Variants in CORIN observed in about 807,000 individuals in gnomAD.
CORIN encodes the protein atrial natriuretic peptide-converting enzyme.
In CORIN, 117 loss-of-function variants were observed where a neutral mutation model predicts 125.3. That is an observed-to-expected ratio of 0.93 (90% CI 0.80 to 1.09). The LOEUF (loss-of-function observed/expected upper bound fraction) is 1.09, where lower values mean the gene tolerates loss of function less well. Ranked by LOEUF, CORIN falls within the 50% of genes least tolerant of loss-of-function variation. CORIN has a pLI of 0.00. For missense variants in CORIN, 1,253 were observed against 1,306.7 expected (o/e 0.96, Z 0.63); for synonymous variants, 450 against 466.4 (o/e 0.96, Z 0.45).
intron 5 of CORIN, among the ~76,000 whole-genome samples, chr4:47,698,343 C>CA (rs1462113003): frequency 2.6e-5 from 4 of 151,702 alleles, no homozygotes; most frequent in Non-Finnish European, 5.9e-5. Context: ...ATTTGAGCAA[C>CA]AACTTGAAAG....
chr4:47,717,908 A>T (rs549446121), intron 5 of CORIN, among the ~76,000 whole-genome samples: 1 of 152,300 alleles, frequency 6.6e-6, no homozygotes, highest in East Asian at 1.9e-4. Context: ...TACAAGATGA[A>T]CAAAGACACA....
chr4:47,761,118 C>T (rs1047140856), intron 4 of CORIN, among the ~76,000 whole-genome samples: 1 of 152,214 alleles, frequency 6.6e-6, no homozygotes. Context: ...GCCTTCTAAT[C>T]ATTTGTGTGT....
At chr4:47,803,661 G>C (rs1731641520) in intron 2 of CORIN, among the ~76,000 whole-genome samples, 1 of 152,184 alleles carries the variant, frequency 6.6e-6, no homozygotes, top group Non-Finnish European at 1.5e-5. Flanking sequence ...ACATGCAGAA[G>C]AATAAAACTA....
intron 5 of CORIN, among the ~76,000 whole-genome samples, chr4:47,705,208 T>C (rs1476076592): frequency 2.6e-5 from 4 of 152,232 alleles, no homozygotes; most frequent in Non-Finnish European, 5.9e-5. Flanking sequence ...GTTGCAATTA[T>C]TTTCTCCCAG....
chr4:47,754,172 A>C (rs1729033146), intron 4 of CORIN, among the ~76,000 whole-genome samples: 1 of 152,242 alleles, frequency 6.6e-6, no homozygotes, highest in African/African-American at 2.4e-5. Flanking sequence ...AGTAATTGGA[A>C]TTATATGACA....
At chr4:47,686,742 A>T (rs902943583) in intron 6 of CORIN, among the ~76,000 whole-genome samples, 3 of 152,210 alleles carry the variant, frequency 2.0e-5, no homozygotes, top group African/African-American at 7.2e-5. Flanking sequence ...CTTGACGATC[A>T]GTGCAAAGTA....
At chr4:47,653,525 C>G in intron 13 of CORIN, 28 bp downstream of exon 13, 3 of 1,551,812 alleles carry the variant, frequency 1.9e-6, no homozygotes, top group Non-Finnish European at 2.7e-6. Context: ...ACTGTACATT[C>G]AAGAAAAGTA....
chr4:47,771,072 C>T (rs1189402436), intron 3 of CORIN, among the ~76,000 whole-genome samples: 1 of 152,026 alleles, frequency 6.6e-6, no homozygotes, highest in Non-Finnish European at 1.5e-5. Context: ...AAAATAAAAA[C>T]AGATCCAAGT....
chr4:47,647,603 C>T (rs1365714573), intron 13 of CORIN, among the ~76,000 whole-genome samples: 1 of 152,146 alleles, frequency 6.6e-6, no homozygotes, highest in Non-Finnish European at 1.5e-5. Flanking sequence ...CTTAAAATAA[C>T]ACTATAATGT....
intron 1 of CORIN, among the ~76,000 whole-genome samples, chr4:47,807,501 G>A (rs528363393): frequency 1.3e-5 from 2 of 152,268 alleles, no homozygotes; most frequent in South Asian, 2.1e-4. Flanking sequence ...TAAACCAAAT[G>A]TGAATGAATC....
chr4:47,802,617 TCTAAG>T (rs1731594056), intron 2 of CORIN, among the ~76,000 whole-genome samples: 2 of 152,126 alleles, frequency 1.3e-5, no homozygotes, highest in African/African-American at 4.8e-5. Flanking sequence ...CAGCTAAAGT[TCTAAG>T]GTTTTTTACT....
At chr4:47,622,730 GGAATTCTGCCAGCA>G (rs1722372348) in intron 19 of CORIN, among the ~76,000 whole-genome samples, 1 of 152,190 alleles carries the variant, frequency 6.6e-6, no homozygotes, top group Admixed American at 6.5e-5. Context: ...CCAGCAAGAA[GGAATTCTGCCAGCA>G]GATTGAACTG....
At chr4:47,653,141 G>C (rs1180229477) in intron 13 of CORIN, among the ~76,000 whole-genome samples, 1 of 152,140 alleles carries the variant, frequency 6.6e-6, no homozygotes, top group Non-Finnish European at 1.5e-5. Context: ...TCAGTACATT[G>C]TTATAATTGA....
intron 6 of CORIN, among the ~76,000 whole-genome samples, chr4:47,688,943 C>T (rs1725646546): frequency 6.6e-6 from 1 of 152,200 alleles, no homozygotes. Flanking sequence ...TAGATACAGT[C>T]ATTTTTGATG....
intron 10 of CORIN, among the ~76,000 whole-genome samples, chr4:47,669,588 T>G (rs1470804870): frequency 6.7e-6 from 1 of 149,212 alleles, no homozygotes; most frequent in Non-Finnish European, 1.5e-5. Context: ...TTTTTTTTTG[T>G]GACAGAGTCT....
At chr4:47,758,557 C>G (rs1447113786) in intron 4 of CORIN, among the ~76,000 whole-genome samples, 2 of 152,174 alleles carry the variant, frequency 1.3e-5, no homozygotes, top group Non-Finnish European at 2.9e-5. Context: ...AGGCATCACA[C>G]TACCTAACTT....
rs150074510 is a variant in CORIN at position 47,733,416 on chromosome 4, A to G, written c.799+10986T>C. ...CAATTCAATAGGAGAAATTCGGACTATGTGTTTTACCAGGATCCTGAAACT... is the reference window on the plus strand; with the variant it reads ...CAATTCAATAGGAGAAATTCGGACTGTGTGTTTTACCAGGATCCTGAAACT... On this transcript the variant is annotated intron_variant, in intron 5 of 21. Coordinates refer to ENST00000273857, the MANE Select transcript of CORIN (RefSeq NM_006587.4). Among the ~76,000 whole-genome samples, 58 of 152,346 alleles carry G rather than the reference A, an allele frequency of 3.8e-4. 1 individual carries two copies. In the East Asian group the frequency reaches 9.8e-3, roughly 26 times the overall value.
intron 19 of CORIN, among the ~76,000 whole-genome samples, chr4:47,612,212 A>G (rs918800566): frequency 1.3e-5 from 2 of 152,144 alleles, no homozygotes; most frequent in African/African-American, 4.8e-5. Flanking sequence ...AGAGACTTCA[A>G]AGTAAATATA....
At chr4:47,658,557 C>T (rs1013884009) in intron 12 of CORIN, among the ~76,000 whole-genome samples, 9 of 152,380 alleles carry the variant, frequency 5.9e-5, no homozygotes, top group African/African-American at 2.2e-4. Context: ...GACAGATGTT[C>T]TCTGAGCCAT....
Sources: allele counts gnomAD v4.1 joint callset (sites outside exome capture counted in the v4.1 genomes callset), GRCh38; gene constraint gnomAD v4.1.1; transcripts MANE v1.5; gene names NCBI Gene and HGNC (gene_info 2026-07-23, HGNC 2026-07-21).